CREB3L2: variants seen among roughly 807,000 people sequenced by gnomAD.
CREB3L2 encodes the protein cyclic AMP-responsive element-binding protein 3-like protein 2.
CREB3L2 carries 23 observed loss-of-function variants against 57.2 expected under a neutral mutation model. That is an observed-to-expected ratio of 0.40 (90% CI 0.29 to 0.57). The LOEUF (loss-of-function observed/expected upper bound fraction) is 0.57. Ranked by LOEUF, CREB3L2 falls within the 20% of genes least tolerant of loss-of-function variation. The probability of loss-of-function intolerance (pLI) is 0.42; values close to 1 mark genes in which losing one functional copy is unlikely to be tolerated. For missense variants in CREB3L2, 628 were observed against 634.7 expected (o/e 0.99, Z 0.11); for synonymous variants, 268 against 265.1 (o/e 1.01, Z -0.11).
chr7:137,926,093 G>A (rs1033373213), intron 2 of CREB3L2, among the ~76,000 whole-genome samples: 2 of 152,198 alleles, frequency 1.3e-5, no homozygotes, highest in Admixed American at 6.5e-5. Flanking sequence ...AGATGCTGGC[G>A]AGGATGCGGA....
intron 1 of CREB3L2, among the ~76,000 whole-genome samples, chr7:137,944,074 T>C (rs940326504): frequency 2.6e-5 from 4 of 152,216 alleles, no homozygotes; most frequent in Non-Finnish European, 5.9e-5. Context: ...CCTTTCCCCA[T>C]TGATCTGAAT....
intron 1 of CREB3L2, among the ~76,000 whole-genome samples, chr7:137,954,878 G>A (rs1040459038): frequency 6.6e-6 from 1 of 152,164 alleles, no homozygotes; most frequent in Non-Finnish European, 1.5e-5. Flanking sequence ...CAAAGGAATA[G>A]AAAGAAGACT....
At chr7:137,901,874 C>CAAAAAAAA (rs59855306) in intron 7 of CREB3L2, among the ~76,000 whole-genome samples, 4,486 of 57,390 alleles carry the variant, frequency 0.078, 542 homozygotes, top group Non-Finnish European at 0.12. Flanking sequence ...AGATCTGTCT[C>CAAAAAAAA]AAAAAAAAAA....
At chr7:137,979,973 C>T (rs369315198) in intron 1 of CREB3L2, among the ~76,000 whole-genome samples, 5 of 152,252 alleles carry the variant, frequency 3.3e-5, no homozygotes, top group East Asian at 3.9e-4. Context: ...CTGGTGCATG[C>T]GGATGATGGG....
chr7:137,925,507 AT>A (rs1800432863), intron 2 of CREB3L2, among the ~76,000 whole-genome samples: 1 of 152,218 alleles, frequency 6.6e-6, no homozygotes, highest in African/African-American at 2.4e-5. Flanking sequence ...CTACATATTT[AT>A]GTGTTGCCTA....
chr7:137,918,600 G>T (rs371266544), intron 2 of CREB3L2, among the ~76,000 whole-genome samples: 1 of 152,158 alleles, frequency 6.6e-6, no homozygotes, highest in Non-Finnish European at 1.5e-5. Flanking sequence ...GGCTGAAATG[G>T]ACGGTAAGGA....
chr7:137,896,499 C>G (rs913831538), intron 8 of CREB3L2, among the ~76,000 whole-genome samples: 5 of 152,146 alleles, frequency 3.3e-5, no homozygotes, highest in African/African-American at 9.7e-5. Flanking sequence ...TGGGGTTTCT[C>G]CATGTTGATC....
chr7:137,929,297 A>G (rs903901417), intron 1 of CREB3L2, among the ~76,000 whole-genome samples: 4 of 152,208 alleles, frequency 2.6e-5, no homozygotes, highest in African/African-American at 7.2e-5. Flanking sequence ...GTCTATATTC[A>G]TGGTATGAGG....
At chr7:137,991,256 C>T (rs191898457) in intron 1 of CREB3L2, among the ~76,000 whole-genome samples, 2 of 151,998 alleles carry the variant, frequency 1.3e-5, no homozygotes, top group African/African-American at 2.4e-5. Context: ...CTCCACCTCC[C>T]GGGTTCATGC....
intron 2 of CREB3L2, among the ~76,000 whole-genome samples, chr7:137,925,605 C>T (rs550476329): frequency 2.0e-5 from 3 of 152,290 alleles, no homozygotes; most frequent in Admixed American, 6.5e-5. Flanking sequence ...TTGATTCCCC[C>T]ACCCTACAGA....
chr7:137,922,635 T>C (rs1800360122), intron 2 of CREB3L2: 1 of 449,046 alleles, frequency 2.2e-6, no homozygotes, highest in Non-Finnish European at 4.5e-6. Context: ...ACACGGGTTT[T>C]GAACCATGCG....
chr7:137,969,921 T>C (rs527255307), intron 1 of CREB3L2, among the ~76,000 whole-genome samples: 9 of 152,278 alleles, frequency 5.9e-5, no homozygotes, highest in African/African-American at 2.2e-4. Flanking sequence ...GTTTGAACTT[T>C]TTCAAAATAA....
intron 1 of CREB3L2, among the ~76,000 whole-genome samples, chr7:137,990,868 A>C (rs1195341414): frequency 6.6e-6 from 1 of 152,172 alleles, no homozygotes; most frequent in South Asian, 2.1e-4. Flanking sequence ...AGGATTTTCC[A>C]CTCAGACAAC....
intron 2 of CREB3L2, among the ~76,000 whole-genome samples, chr7:137,927,903 T>C (rs1367065235): frequency 1.3e-5 from 2 of 151,918 alleles, no homozygotes; most frequent in African/African-American, 4.8e-5. Context: ...GCTGAAGCCA[T>C]AGGGTGAAAG....
chr7:137,946,856 C>CTATATATAGTTATA lies in CREB3L2; in HGVS notation c.103-18491_103-18490insTATAACTATATATA, dbSNP rs59249493. Among the ~76,000 whole-genome samples the CTATATATAGTTATA allele has an allele frequency of 2.9e-3, 93 of 32,000 alleles. 29 individuals carry two copies. The highest frequency in any genetic ancestry group is 0.014 in the African/African-American group (89 of 6,302). 21.0% of individuals were successfully genotyped at this position (32,000 alleles called of 152,430 possible). A position where few individuals can be genotyped will look rare whatever the true frequency, so the allele number is the denominator to read the frequency against. The stretch of plus-strand genomic sequence containing the variant: ...TATATATAGTTATCTATATAGTTAT[C>CTATATATAGTTATA]TATATAGTTATATATATAGTTATCT... On this transcript the variant is annotated intron_variant, in intron 1 of 11. Transcript: ENST00000330387.
intron 2 of CREB3L2, chr7:137,922,459 C>CAT (rs1271535669): frequency 0.037 from 3,967 of 106,220 alleles, 173 homozygotes; most frequent in Non-Finnish European, 0.049. Flanking sequence ...TATATACACA[C>CAT]ATATATATAT....
At position 137,964,927 on chromosome 7, in the gene CREB3L2, T is replaced by C. The variant is rs183722330; in HGVS notation, c.103-36561A>G. On this transcript the variant is annotated intron_variant, in intron 1 of 11. Coordinates refer to ENST00000330387, the MANE Select transcript of CREB3L2 (RefSeq NM_194071.4). ...ACCTCTTTTGCTTGGCTCTCAATTA[T>C]CTCGTCTGCCACCACGTAAGACGTG... Among the ~76,000 whole-genome samples, 3 of 152,254 alleles carry C rather than the reference T, an allele frequency of 2.0e-5. No homozygotes were observed. In the East Asian group the frequency reaches 5.8e-4, roughly 29 times the overall value.
chr7:137,917,849 G>T (rs1424409283), intron 2 of CREB3L2, among the ~76,000 whole-genome samples: 1 of 152,162 alleles, frequency 6.6e-6, no homozygotes, highest in African/African-American at 2.4e-5. Flanking sequence ...CTTTTAGAGT[G>T]GGGCTGCTGA....
chr7:137,922,764 A>G (rs184046853), intron 2 of CREB3L2: 510 of 311,944 alleles, frequency 1.6e-3, no homozygotes, highest in Non-Finnish European at 2.2e-3. Flanking sequence ...TTTATGTAAC[A>G]TATCTAAAGT....
Sources: allele counts gnomAD v4.1 joint callset (sites outside exome capture counted in the v4.1 genomes callset), GRCh38; gene constraint gnomAD v4.1.1; transcripts MANE v1.5; gene names NCBI Gene and HGNC (gene_info 2026-07-23, HGNC 2026-07-21).